The following CHSY3 variants were observed in gnomAD, a reference collection of about 807,000 sequenced individuals.
The protein encoded by CHSY3 is chondroitin sulfate synthase 3.
Under a neutral mutation model 67.2 loss-of-function variants are expected in CHSY3, and 35 were observed. That is an observed-to-expected ratio of 0.52 (90% CI 0.40 to 0.69). The LOEUF (loss-of-function observed/expected upper bound fraction) is 0.69, where lower values mean the gene tolerates loss of function less well. Ranked by LOEUF, CHSY3 falls within the 30% of genes least tolerant of loss-of-function variation. The pLI is 0.00. For missense variants in CHSY3, 1,069 were observed against 1,138.5 expected (o/e 0.94, Z 0.88); for synonymous variants, 474 against 434.7 (o/e 1.09, Z -1.12).
chr5:129,954,653 T>C (rs1762118449), intron 2 of CHSY3, among the ~76,000 whole-genome samples: 1 of 152,152 alleles, frequency 6.6e-6, no homozygotes, highest in Non-Finnish European at 1.5e-5. Flanking sequence ...CCTCTCTTAT[T>C]TCCTTGAGCA....
At chr5:130,068,948 T>C (rs1765971186) in intron 2 of CHSY3, among the ~76,000 whole-genome samples, 1 of 152,156 alleles carries the variant, frequency 6.6e-6, no homozygotes, top group African/African-American at 2.4e-5. Flanking sequence ...AAAAATTGTT[T>C]TGTGCATGAA....
intron 2 of CHSY3, among the ~76,000 whole-genome samples, chr5:130,158,860 T>C (rs1341255831): frequency 6.6e-6 from 1 of 152,190 alleles, no homozygotes; most frequent in Non-Finnish European, 1.5e-5. Context: ...AGTGCAGTGC[T>C]ATGATCACAG....
chr5:129,914,409 A>T (rs1340943953), intron 2 of CHSY3, among the ~76,000 whole-genome samples: 1 of 152,194 alleles, frequency 6.6e-6, no homozygotes, highest in Non-Finnish European at 1.5e-5. Context: ...CACCGCGCCC[A>T]GCCAAATTTC....
intron 2 of CHSY3, among the ~76,000 whole-genome samples, chr5:130,167,114 C>T (rs566205417): frequency 6.6e-6 from 1 of 151,852 alleles, no homozygotes; most frequent in Admixed American, 6.6e-5. Flanking sequence ...TCCCCTGCTC[C>T]TTTTTTATTG....
intron 2 of CHSY3, among the ~76,000 whole-genome samples, chr5:129,916,123 T>C (rs1760722479): frequency 6.6e-6 from 1 of 152,244 alleles, no homozygotes; most frequent in African/African-American, 2.4e-5. Flanking sequence ...TTTTAAAATA[T>C]AACATACTCT....
At chr5:129,934,194 G>A (rs894503003) in intron 2 of CHSY3, among the ~76,000 whole-genome samples, 1 of 151,966 alleles carries the variant, frequency 6.6e-6, no homozygotes, top group African/African-American at 2.4e-5. Context: ...ATATGAAATA[G>A]AAAAATGCTT....
chr5:130,087,571 T>C (rs971982086), intron 2 of CHSY3, among the ~76,000 whole-genome samples: 15 of 151,258 alleles, frequency 9.9e-5, no homozygotes, highest in African/African-American at 2.7e-4. Flanking sequence ...TATACACCAA[T>C]AACAGACAAA....
chr5:130,081,938 G>A (rs144143901), intron 2 of CHSY3, among the ~76,000 whole-genome samples: 7 of 151,956 alleles, frequency 4.6e-5, no homozygotes, highest in African/African-American at 1.7e-4. Flanking sequence ...ATTTAACAGA[G>A]GAATTAAGGA....
intron 2 of CHSY3, among the ~76,000 whole-genome samples, chr5:130,028,900 C>T (rs532805828): frequency 2.6e-5 from 4 of 151,864 alleles, no homozygotes; most frequent in African/African-American, 9.7e-5. Flanking sequence ...GCCTCTTTGT[C>T]TCTCCCCCAC....
In CHSY3 at chr5:130,035,886, G is replaced by GTTT. The variant is rs1180462327; in HGVS notation, c.1086+127550_1086+127552dup. On this transcript the variant is annotated intron_variant, in intron 2 of 2. Transcript: ENST00000305031. Reference sequence around the variant, plus strand: ...CCCAAGTCTGGTCATTCATTTGGTTGTTTTTTTTTTTTTTTTTTTTTTTTT... The same window carrying GTTT: ...CCCAAGTCTGGTCATTCATTTGGTTGTTTTTTTTTTTTTTTTTTTTTTTTTTTT... Among the ~76,000 whole-genome samples the GTTT allele has an allele frequency of 3.9e-3, 256 of 65,564 alleles. 15 individuals are homozygous for GTTT. The highest frequency in any genetic ancestry group is 0.014 in the African/African-American group (235 of 16,674). The allele number at this position is 65,564 out of a possible 152,430, so 43.0% of individuals were successfully genotyped here.
chr5:130,168,910 C>G (rs1027367591), intron 2 of CHSY3, among the ~76,000 whole-genome samples: 2 of 152,010 alleles, frequency 1.3e-5, no homozygotes, highest in African/African-American at 2.4e-5. Context: ...GGCCAAGGAC[C>G]ATTTTTGTTG....
intron 2 of CHSY3, among the ~76,000 whole-genome samples, chr5:130,178,258 T>A (rs1393169110): frequency 3.4e-4 from 41 of 122,222 alleles, no homozygotes; most frequent in African/African-American, 1.2e-3. Flanking sequence ...TATATATTTT[T>A]TTTTTTTTTT....
intron 2 of CHSY3, among the ~76,000 whole-genome samples, chr5:130,068,082 C>A (rs1765941808): frequency 6.6e-6 from 1 of 151,998 alleles, no homozygotes. Context: ...CTCTTCTCAC[C>A]CCTTCTTCAA....
intron 2 of CHSY3, among the ~76,000 whole-genome samples, chr5:130,020,028 T>C (rs1764320826): frequency 6.6e-6 from 1 of 152,198 alleles, no homozygotes; most frequent in South Asian, 2.1e-4. Flanking sequence ...TCATGAGTTA[T>C]TGACATTTAG....
intron 2 of CHSY3, 22 bp from the exon 3 acceptor site, chr5:130,184,207 T>A: frequency 6.9e-7 from 1 of 1,451,866 alleles, no homozygotes; most frequent in Non-Finnish European, 9.1e-7. Flanking sequence ...TTAACCCTGA[T>A]TTTTTTAATT....
intron 2 of CHSY3, among the ~76,000 whole-genome samples, chr5:130,003,604 AGG>A (rs1763794632): frequency 6.6e-6 from 1 of 152,150 alleles, no homozygotes; most frequent in Non-Finnish European, 1.5e-5. Context: ...CAAGACAAAG[AGG>A]GGTTACCAGA....
chr5:129,987,821 G>GT (rs1268052599), intron 2 of CHSY3, among the ~76,000 whole-genome samples: 4 of 152,088 alleles, frequency 2.6e-5, no homozygotes, highest in African/African-American at 7.2e-5. Flanking sequence ...GGACTGTTTT[G>GT]TTTTTTCATA....
intron 2 of CHSY3, among the ~76,000 whole-genome samples, chr5:130,019,209 T>C (rs1476631509): frequency 2.0e-5 from 3 of 152,242 alleles, no homozygotes; most frequent in Non-Finnish European, 4.4e-5. Context: ...CATGCTTGTT[T>C]GAAGAATAAT....
intron 2 of CHSY3, among the ~76,000 whole-genome samples, chr5:130,057,900 C>CAGAGAGAG (rs141613378): frequency 1.3e-5 from 2 of 149,122 alleles, no homozygotes; most frequent in African/African-American, 4.9e-5. Flanking sequence ...TACATGCACA[C>CAGAGAGAG]AGAGAGAGAG....
Sources: allele counts gnomAD v4.1 joint callset (sites outside exome capture counted in the v4.1 genomes callset), GRCh38; gene constraint gnomAD v4.1.1; transcripts MANE v1.5; gene names NCBI Gene and HGNC (gene_info 2026-07-23, HGNC 2026-07-21).